Variants in FOXP1 observed in about 807,000 individuals in gnomAD.
FOXP1 encodes forkhead box protein P1.
FOXP1 carries 15 observed loss-of-function variants against 98.2 expected under a neutral mutation model. The observed-to-expected ratio is 0.15, with a 90% confidence interval of 0.10 to 0.24. The LOEUF is 0.24. Ranked by LOEUF, FOXP1 falls within the 10% of genes least tolerant of loss-of-function variation. The pLI, the probability that FOXP1 is intolerant of heterozygous loss-of-function variation, is 1.00. For synonymous variants in FOXP1, 371 were observed against 314.5 expected (o/e 1.18, Z -1.90); for missense variants, 633 against 848.5 (o/e 0.75, Z 3.15).
chr3:71,160,259 T>C (rs2061068683), intron 6 of FOXP1, among the ~76,000 whole-genome samples: 1 of 152,144 alleles, frequency 6.6e-6, no homozygotes, highest in Non-Finnish European at 1.5e-5. Flanking sequence ...CCTGTTGGTC[T>C]CTGTTTGGGC....
At chr3:71,053,588 C>T (rs1370676652) in intron 8 of FOXP1, 48 bp downstream of exon 8, 1 of 1,612,572 alleles carries the variant, frequency 6.2e-7, no homozygotes, top group East Asian at 2.2e-5. Context: ...TGATGGGGGC[C>T]CCTGGGTTCT....
Position 71,440,543 on chromosome 3 carries a change from T to C in FOXP1, c.-168+52883A>G, listed in dbSNP as rs550035046. Among the ~76,000 whole-genome samples the C allele has an allele frequency of 3.3e-5, 5 of 152,232 alleles. No individual in the cohort carries two copies. The South Asian group carries it at 1.0e-3, about 32-fold the overall frequency. On this transcript the variant is annotated intron_variant, in intron 3 of 20. Transcript: ENST00000649528. ...ATACAAGAAAGTTAGCTGGGCATGGTGGCACATGCCTGTAGTCCCAGCTAC... is the reference window on the plus strand; with the variant it reads ...ATACAAGAAAGTTAGCTGGGCATGGCGGCACATGCCTGTAGTCCCAGCTAC...
chr3:71,581,341 G>T (rs1443023365), intron 2 of FOXP1: 1 of 985,294 alleles, frequency 1.0e-6, no homozygotes, highest in African/African-American at 1.7e-5. Context: ...TTCAGATTTA[G>T]GAAAGAAAGA....
At chr3:71,207,015 C>G (rs2064089410) in intron 5 of FOXP1, among the ~76,000 whole-genome samples, 1 of 152,184 alleles carries the variant, frequency 6.6e-6, no homozygotes, top group Non-Finnish European at 1.5e-5. Flanking sequence ...GGAGCTTTGC[C>G]AATCCAGTGC....
At chr3:71,086,668 T>C (rs1259157566) in intron 7 of FOXP1, among the ~76,000 whole-genome samples, 1 of 152,158 alleles carries the variant, frequency 6.6e-6, no homozygotes, top group Admixed American at 6.5e-5. Context: ...CACCGGATAT[T>C]TTCCAGGAAT....
intron 4 of FOXP1, among the ~76,000 whole-genome samples, chr3:71,322,968 G>A (rs1044085539): frequency 4.6e-5 from 7 of 151,620 alleles, no homozygotes; most frequent in Non-Finnish European, 1.5e-5. Flanking sequence ...GCCCAAGCTC[G>A]GTACTTTTTT....
chr3:71,132,234 C>T (rs956216910), intron 6 of FOXP1, among the ~76,000 whole-genome samples: 8 of 152,126 alleles, frequency 5.3e-5, no homozygotes, highest in African/African-American at 1.9e-4. Context: ...ATAAGTAGTT[C>T]GAGATGGGGC....
intron 5 of FOXP1, among the ~76,000 whole-genome samples, chr3:71,253,282 G>A (rs1311881195): frequency 1.3e-5 from 2 of 152,172 alleles, no homozygotes; most frequent in Non-Finnish European, 2.9e-5. Context: ...TGTATCTTAG[G>A]GTAGATAAAG....
intron 9 of FOXP1, among the ~76,000 whole-genome samples, chr3:71,051,874 T>C (rs1303084752): frequency 6.6e-6 from 1 of 152,184 alleles, no homozygotes; most frequent in Non-Finnish European, 1.5e-5. Flanking sequence ...TGTGGCATAA[T>C]GTGATAAGTT....
Position 70,971,919 on chromosome 3 carries a change from T to C in FOXP1, c.1652+636A>G, listed in dbSNP as rs185596921. ...GTTGCAGAAAGCTGTGGCACTGCTA[T>C]TGGTGAAATGCAAAACTACATGGGA... On this transcript the variant is annotated intron_variant, in intron 18 of 20. Coordinates refer to ENST00000649528, the MANE Select transcript of FOXP1 (RefSeq NM_001349338.3). 16 of 1,030,146 alleles carry C rather than the reference T, an allele frequency of 1.6e-5. No homozygotes were observed. The East Asian group carries it at 3.3e-4, about 21-fold the overall frequency. The allele number at this position is 1,030,146 out of a possible 1,614,324, so 63.8% of individuals were successfully genotyped here. A position where few individuals can be genotyped will look rare whatever the true frequency, so the allele number is the denominator to read the frequency against.
chr3:71,049,950 T>C (rs917455499), intron 9 of FOXP1, among the ~76,000 whole-genome samples: 3 of 152,286 alleles, frequency 2.0e-5, no homozygotes, highest in Admixed American at 1.3e-4. Flanking sequence ...TCCACTGGTC[T>C]GCCTACCTCA....
At chr3:71,165,246 G>GT (rs1278837878) in intron 6 of FOXP1, among the ~76,000 whole-genome samples, 24 of 45,152 alleles carry the variant, frequency 5.3e-4, no homozygotes, top group Non-Finnish European at 9.7e-4. Flanking sequence ...CTATTTTTTT[G>GT]TAAAAAAAAA....
chr3:71,265,261 C>T (rs1175506387), intron 5 of FOXP1, among the ~76,000 whole-genome samples: 3 of 152,166 alleles, frequency 2.0e-5, no homozygotes, highest in African/African-American at 4.8e-5. Context: ...TTGTTCTAGG[C>T]ACCTCCCACA....
chr3:71,327,254 G>C (rs1028627742), intron 4 of FOXP1, among the ~76,000 whole-genome samples: 5 of 61,676 alleles, frequency 8.1e-5, no homozygotes. Context: ...CTGGGAGGGA[G>C]GAGGTGACAG....
chr3:71,078,285 C>CAGTGAGA (rs2107499341), intron 7 of FOXP1, among the ~76,000 whole-genome samples: 1 of 152,324 alleles, frequency 6.6e-6, no homozygotes, highest in South Asian at 2.1e-4. Context: ...GATGAATATT[C>CAGTGAGA]AGTGAGAAGC....
intron 2 of FOXP1, chr3:71,542,054 G>GTA (rs1423493129): frequency 1.9e-6 from 1 of 531,986 alleles, no homozygotes; most frequent in Non-Finnish European, 3.9e-6. Context: ...GCCAGGGTCT[G>GTA]TATAGAAAAC....
intron 3 of FOXP1, among the ~76,000 whole-genome samples, chr3:71,441,554 G>C (rs1577531785): frequency 6.6e-6 from 1 of 152,352 alleles, no homozygotes; most frequent in East Asian, 1.9e-4. Context: ...TGCTCTAGGA[G>C]AATGATCCTA....
At chr3:71,266,722 C>T (rs1473896494) in intron 5 of FOXP1, among the ~76,000 whole-genome samples, 1 of 152,216 alleles carries the variant, frequency 6.6e-6, no homozygotes. Flanking sequence ...TTTTAACCCT[C>T]ACCTTCCCCC....
At chr3:71,205,254 T>A (rs995150346) in intron 5 of FOXP1, among the ~76,000 whole-genome samples, 1 of 152,176 alleles carries the variant, frequency 6.6e-6, no homozygotes, top group African/African-American at 2.4e-5. Flanking sequence ...ACTTTCTCAT[T>A]AATTTTCTTG....
Sources: allele counts gnomAD v4.1 joint callset (sites outside exome capture counted in the v4.1 genomes callset), GRCh38; gene constraint gnomAD v4.1.1; transcripts MANE v1.5; gene names NCBI Gene and HGNC (gene_info 2026-07-23, HGNC 2026-07-21).